Variants in ZBTB7C observed in about 807,000 individuals in gnomAD.
The protein encoded by ZBTB7C is zinc finger and BTB domain-containing protein 7C.
ZBTB7C carries 8 observed loss-of-function variants against 25.7 expected under a neutral mutation model. The ratio of observed to expected loss-of-function variants is 0.31; its 90% confidence interval spans 0.18 to 0.56. ZBTB7C has a LOEUF of 0.56. ZBTB7C is among the 20% of genes least tolerant of loss of function. The pLI is 0.91. For missense variants in ZBTB7C, 824 were observed against 855.2 expected, an observed-to-expected ratio of 0.96 and a Z score of 0.46; for synonymous variants, 394 against 369.0, an observed-to-expected ratio of 1.07 and a Z score of -0.78.
intron 2 of ZBTB7C, among the ~76,000 whole-genome samples, chr18:48,253,445 G>C (rs2043928045): frequency 6.6e-6 from 1 of 152,200 alleles, no homozygotes; most frequent in South Asian, 2.1e-4. Flanking sequence ...CTGAAAGACA[G>C]TGGTGCTTGA....
At chr18:48,339,596 C>T (rs1266857331) in intron 1 of ZBTB7C, among the ~76,000 whole-genome samples, 1 of 152,162 alleles carries the variant, frequency 6.6e-6, no homozygotes, top group African/African-American at 2.4e-5. Context: ...ATCATTCTTT[C>T]CAGCAAGCTC....
At chr18:48,388,511 T>C (rs1052544325) in intron 1 of ZBTB7C, among the ~76,000 whole-genome samples, 3 of 152,214 alleles carry the variant, frequency 2.0e-5, no homozygotes, top group African/African-American at 7.2e-5. Flanking sequence ...AATATTGCAG[T>C]GCTTATATTT....
chr18:48,358,421 C>A lies in ZBTB7C; in HGVS notation c.-303-20023G>T, dbSNP rs528996122. On this transcript the variant is annotated intron_variant, in intron 1 of 4. Coordinates refer to ENST00000590800, the MANE Select transcript of ZBTB7C (RefSeq NM_001318841.2). Reference sequence around the variant, plus strand: ...TTGCTCCCACTCTCACCCTGTGACACTGCCTGCTCTCCCTTTGCTTTCCAC... The same window carrying A: ...TTGCTCCCACTCTCACCCTGTGACAATGCCTGCTCTCCCTTTGCTTTCCAC... Among the ~76,000 whole-genome samples, 167 of 152,320 alleles carry A rather than the reference C, an allele frequency of 1.1e-3. 1 individual carries two copies. Among genetic ancestry groups the A allele is most frequent in the Middle Eastern group, 3.4e-3 (1 of 294 alleles).
intron 2 of ZBTB7C, among the ~76,000 whole-genome samples, chr18:48,244,773 A>T (rs1021280205): frequency 2.0e-5 from 3 of 152,166 alleles, no homozygotes; most frequent in Non-Finnish European, 4.4e-5. Context: ...GCCATAATTT[A>T]AAAAATCAAA....
At chr18:48,083,053 C>T (rs1169538198) in intron 3 of ZBTB7C, among the ~76,000 whole-genome samples, 5 of 152,200 alleles carry the variant, frequency 3.3e-5, no homozygotes, top group Middle Eastern at 3.4e-3. Context: ...AACTATAACC[C>T]GCTATGACAT....
intron 2 of ZBTB7C, among the ~76,000 whole-genome samples, chr18:48,301,321 T>C (rs1432813180): frequency 6.6e-6 from 1 of 152,046 alleles, no homozygotes; most frequent in Non-Finnish European, 1.5e-5. Context: ...TCTACAAAAA[T>C]ACGAAAAATT....
At chr18:48,227,490 T>C (rs1477890241) in intron 2 of ZBTB7C, among the ~76,000 whole-genome samples, 1 of 152,232 alleles carries the variant, frequency 6.6e-6, no homozygotes, top group Non-Finnish European at 1.5e-5. Context: ...CGCCCAACAC[T>C]GTGGGTTACC....
At chr18:48,402,745 T>C (rs922560901) in intron 1 of ZBTB7C, among the ~76,000 whole-genome samples, 5 of 152,196 alleles carry the variant, frequency 3.3e-5, no homozygotes, top group Non-Finnish European at 7.3e-5. Flanking sequence ...TATGTGTATA[T>C]GTGCGCATGT....
In ZBTB7C at chr18:48,190,666, T is replaced by A. The variant is rs577935978; in HGVS notation, c.-78-4671A>T. ...ATGGTTTGGGGACAGTGGGATTTTA[T>A]GCCTAGAATGAAACAGCGACTGTGG... On this transcript the variant is annotated intron_variant, in intron 2 of 4. Coordinates refer to ENST00000590800, the MANE Select transcript of ZBTB7C (RefSeq NM_001318841.2). Among the ~76,000 whole-genome samples the A allele has an allele frequency of 2.0e-5, 3 of 152,296 alleles. No homozygotes were observed. The East Asian group carries it at 5.8e-4, about 29-fold the overall frequency.
intron 3 of ZBTB7C, among the ~76,000 whole-genome samples, chr18:48,057,015 T>C (rs1039689813): frequency 5.0e-5 from 4 of 80,462 alleles, no homozygotes; most frequent in African/African-American, 2.1e-4. Flanking sequence ...TGTCACCAAA[T>C]CAGGAAAAGA....
At chr18:48,045,954 A>G (rs1212900195) in intron 3 of ZBTB7C, among the ~76,000 whole-genome samples, 1 of 152,226 alleles carries the variant, frequency 6.6e-6, no homozygotes, top group Non-Finnish European at 1.5e-5. Context: ...CCAACAGCCA[A>G]TGCCAACTTG....
chr18:48,390,717 G>T (rs947591652), intron 1 of ZBTB7C, among the ~76,000 whole-genome samples: 44 of 152,204 alleles, frequency 2.9e-4, no homozygotes, highest in African/African-American at 1.1e-3. Flanking sequence ...GCCAAGGTGT[G>T]GTTCCAGCCC....
intron 3 of ZBTB7C, among the ~76,000 whole-genome samples, chr18:48,121,355 G>A (rs906166058): frequency 6.6e-6 from 1 of 151,884 alleles, no homozygotes; most frequent in African/African-American, 2.4e-5. Context: ...CTGCTCTTGT[G>A]TGTCTCAAAA....
At chr18:48,083,872 T>C (rs1191775856) in intron 3 of ZBTB7C, 87 of 985,306 alleles carry the variant, frequency 8.8e-5, no homozygotes, top group Non-Finnish European at 1.0e-4. Flanking sequence ...ATCTTGTCCC[T>C]GAAGAAAGGA....
At chr18:48,093,552 A>T (rs755549471) in intron 3 of ZBTB7C, among the ~76,000 whole-genome samples, 2 of 152,154 alleles carry the variant, frequency 1.3e-5, no homozygotes, top group African/African-American at 4.8e-5. Flanking sequence ...ATGGCCCACA[A>T]TCCAGCTATG....
chr18:48,251,515 C>T (rs180712717), intron 2 of ZBTB7C, among the ~76,000 whole-genome samples: 1 of 152,252 alleles, frequency 6.6e-6, no homozygotes, highest in Admixed American at 6.5e-5. Flanking sequence ...CAAGCTGCAG[C>T]CTGAAAAAGC....
intron 2 of ZBTB7C, among the ~76,000 whole-genome samples, chr18:48,272,720 T>C (rs546539152): frequency 6.6e-6 from 1 of 151,992 alleles, no homozygotes; most frequent in African/African-American, 2.4e-5. Context: ...CATAGCAGCA[T>C]TCTTGATAAT....
intron 3 of ZBTB7C, among the ~76,000 whole-genome samples, chr18:48,081,461 CTTTT>C (rs916264096): frequency 1.0e-5 from 1 of 98,240 alleles, no homozygotes; most frequent in South Asian, 3.6e-4. Flanking sequence ...TTTTCTTTTT[CTTTT>C]TTTTTTTGGT....
intron 3 of ZBTB7C, among the ~76,000 whole-genome samples, chr18:48,142,920 C>T (rs746207277): frequency 1.4e-5 from 2 of 146,500 alleles, no homozygotes; most frequent in Non-Finnish European, 2.9e-5. Context: ...TATGTACTAC[C>T]TATTCTGTGC....
Sources: allele counts gnomAD v4.1 joint callset (sites outside exome capture counted in the v4.1 genomes callset), GRCh38; gene constraint gnomAD v4.1.1; transcripts MANE v1.5; gene names NCBI Gene and HGNC (gene_info 2026-07-23, HGNC 2026-07-21).